CNTN1: variants seen among roughly 807,000 people sequenced by gnomAD.
The protein encoded by CNTN1 is contactin 1, also known as contactin-1.
CNTN1 carries 38 observed loss-of-function variants against 126.4 expected under a neutral mutation model. That is an observed-to-expected ratio of 0.30 (90% confidence interval 0.23 to 0.39). The LOEUF is 0.39. Ranked by LOEUF, CNTN1 falls within the 10% of genes least tolerant of loss-of-function variation. CNTN1 has a pLI of 1.00. For synonymous variants in CNTN1, 413 were observed against 422.6 expected (o/e 0.98, Z 0.28); for missense variants, 1,009 against 1,248.4 (o/e 0.81, Z 2.89).
At chr12:40,773,471 C>A (rs1596535) in intron 1 of CNTN1, among the ~76,000 whole-genome samples, 41,720 of 150,834 alleles carry the variant, frequency 0.28, 6,554 homozygotes, top group South Asian at 0.4. Flanking sequence ...TTTTAATATA[C>A]ATAGTTAACA....
rs1942833494 is a variant in CNTN1, at chr12:40,854,638, GC to G, written c.-76-53718del. Among the ~76,000 whole-genome samples the G allele has an allele frequency of 3.9e-5, 6 of 152,246 alleles. No homozygotes were observed. The South Asian group carries it at 1.2e-3, about 32-fold the overall frequency. On this transcript the variant is annotated intron_variant, in intron 1 of 23. Transcript: ENST00000551295. ...GCCAAAGGCAGATCAGCAAGTGAAA[GC>G]TTTTCACTTCCGTTAACATTTCTCA... is the stretch of plus-strand genomic sequence containing the variant.
intron 1 of CNTN1, among the ~76,000 whole-genome samples, chr12:40,723,450 CAG>C (rs1942271264): frequency 6.6e-6 from 1 of 152,170 alleles, no homozygotes; most frequent in Non-Finnish European, 1.5e-5. Context: ...AGAATTTTTC[CAG>C]AGAGTGGAGG....
intron 1 of CNTN1, among the ~76,000 whole-genome samples, chr12:40,718,476 G>A (rs1166925743): frequency 6.6e-6 from 1 of 152,156 alleles, no homozygotes; most frequent in Non-Finnish European, 1.5e-5. Context: ...ATCATTCCCA[G>A]TGTTTTTCAG....
intron 1 of CNTN1, among the ~76,000 whole-genome samples, chr12:40,762,399 A>G (rs977959882): frequency 4.7e-5 from 7 of 148,408 alleles, no homozygotes; most frequent in Non-Finnish European, 9.0e-5. Context: ...CCATGGACAA[A>G]TAGAAGTCAT....
chr12:40,908,374 A>G lies in CNTN1; in HGVS notation c.-59A>G, dbSNP rs1944910056. On this transcript the variant is annotated 5_prime_UTR_variant, in exon 2 of 24. Coordinates refer to ENST00000551295, the MANE Select transcript of CNTN1 (RefSeq NM_001843.4). Reference sequence around the variant, plus strand: ...TGATGCAGGTGTTTAAAATTATCCAACTGCCATAGAGCTAAATTCTTTTTT... The same window carrying G: ...TGATGCAGGTGTTTAAAATTATCCAGCTGCCATAGAGCTAAATTCTTTTTT... 1.2e-5 allele frequency: 15 copies of G among 1,286,262 alleles called. No homozygotes were observed. In the South Asian group the frequency reaches 1.4e-4, roughly 12 times the overall value. 79.7% of individuals were successfully genotyped at this position (1,286,262 alleles called of 1,614,324 possible). A position where few individuals can be genotyped will look rare whatever the true frequency, so the allele number is the denominator to read the frequency against.
At chr12:40,964,521 A>AGTGTGTGTGT (rs768904007) in intron 15 of CNTN1, among the ~76,000 whole-genome samples, 1 of 112,720 alleles carries the variant, frequency 8.9e-6, no homozygotes, top group Non-Finnish European at 1.9e-5. Context: ...ACACCGTGTA[A>AGTGTGTGTGT]GTGAGTGTGT....
chr12:40,812,746 T>G (rs1235015851), intron 1 of CNTN1, among the ~76,000 whole-genome samples: 2 of 152,156 alleles, frequency 1.3e-5, no homozygotes, highest in East Asian at 3.9e-4. Context: ...GAATATCTTC[T>G]TACATCCCTT....
At chr12:40,954,897 C>G (rs1473153174) in intron 14 of CNTN1, among the ~76,000 whole-genome samples, 1 of 152,070 alleles carries the variant, frequency 6.6e-6, no homozygotes, top group African/African-American at 2.4e-5. Flanking sequence ...GCAAAGCTTA[C>G]CAAGCCTTTC....
chr12:40,773,830 G>A (rs1050988216), intron 1 of CNTN1, among the ~76,000 whole-genome samples: 5 of 150,940 alleles, frequency 3.3e-5, no homozygotes, highest in Non-Finnish European at 7.4e-5. Flanking sequence ...CCAAAGCAAT[G>A]TATCAGCAAA....
intron 6 of CNTN1, among the ~76,000 whole-genome samples, chr12:40,925,579 GTATATATACATGTATATA>G (rs1565961666): frequency 9.4e-6 from 1 of 106,230 alleles, no homozygotes; most frequent in African/African-American, 3.7e-5. Flanking sequence ...ACGTATATAC[GTATATATACATGTATATA>G]TATATATACG....
intron 7 of CNTN1, among the ~76,000 whole-genome samples, chr12:40,932,275 G>A (rs1945913688): frequency 6.6e-6 from 1 of 151,920 alleles, no homozygotes; most frequent in Non-Finnish European, 1.5e-5. Context: ...TTGTGGTAGT[G>A]AATAAGTCTC....
At chr12:40,896,618 T>C (rs964627459) in intron 1 of CNTN1, among the ~76,000 whole-genome samples, 5 of 152,244 alleles carry the variant, frequency 3.3e-5, no homozygotes, top group Non-Finnish European at 7.3e-5. Flanking sequence ...TTAAGACATA[T>C]CAGAAACACC....
chr12:40,845,235 C>T (rs928416968), intron 1 of CNTN1, among the ~76,000 whole-genome samples: 1 of 152,072 alleles, frequency 6.6e-6, no homozygotes, highest in South Asian at 2.1e-4. Flanking sequence ...AGGTGAGAAA[C>T]TTGAAATGCA....
At chr12:40,782,193 A>C (rs1939830774) in intron 1 of CNTN1, among the ~76,000 whole-genome samples, 1 of 151,970 alleles carries the variant, frequency 6.6e-6, no homozygotes, top group Non-Finnish European at 1.5e-5. Context: ...CAAATTCAGC[A>C]GTGATATTAA....
At chr12:40,760,625 T>C (rs1270504705) in intron 1 of CNTN1, among the ~76,000 whole-genome samples, 2 of 152,204 alleles carry the variant, frequency 1.3e-5, no homozygotes, top group Non-Finnish European at 2.9e-5. Flanking sequence ...TATTATTTTG[T>C]GATTTTAAAA....
intron 4 of CNTN1, among the ~76,000 whole-genome samples, chr12:40,920,529 A>C (rs1313236541): frequency 6.6e-6 from 1 of 152,190 alleles, no homozygotes; most frequent in African/African-American, 2.4e-5. Flanking sequence ...AGAACAGAAA[A>C]AAAATCAGCT....
At chr12:41,009,237 G>A (rs1948585398) in intron 17 of CNTN1, among the ~76,000 whole-genome samples, 1 of 152,210 alleles carries the variant, frequency 6.6e-6, no homozygotes, top group African/African-American at 2.4e-5. Context: ...TTTTTAACTG[G>A]ATGGTGGAAC....
intron 15 of CNTN1, among the ~76,000 whole-genome samples, chr12:40,970,942 A>T (rs1947488579): frequency 6.6e-6 from 1 of 152,136 alleles, no homozygotes; most frequent in South Asian, 2.1e-4. Context: ...TTTACTATGA[A>T]TGTATATATC....
intron 1 of CNTN1, among the ~76,000 whole-genome samples, chr12:40,853,618 A>G (rs1942798169): frequency 6.6e-6 from 1 of 152,136 alleles, no homozygotes; most frequent in African/African-American, 2.4e-5. Context: ...CAAGTGATAT[A>G]CAAGATAAAC....
Sources: gnomAD v4.1 joint callset for allele counts (sites outside exome capture counted in the v4.1 genomes callset) on GRCh38, gnomAD v4.1.1 for gene constraint, MANE v1.5 for transcripts, NCBI Gene and HGNC (gene_info 2026-07-23, HGNC 2026-07-21) for gene names.